RAB31: variants seen among roughly 807,000 people sequenced by gnomAD.
RAB31 encodes the protein RAB31, member RAS oncogene family.
Under a neutral mutation model 25.6 loss-of-function variants are expected in RAB31, and 21 were observed. The ratio of observed to expected loss-of-function variants is 0.82; its 90% CI spans 0.58 to 1.18. RAB31 has a LOEUF of 1.18. RAB31 is among the 50% of genes most tolerant of loss of function. RAB31 has a pLI of 0.00. For synonymous variants in RAB31, 87 were observed against 84.0 expected (o/e 1.04, Z -0.20); for missense variants, 196 against 250.1 (o/e 0.78, Z 1.46).
intron 6 of RAB31, among the ~76,000 whole-genome samples, chr18:9,846,928 C>T (rs2068764932): frequency 6.6e-6 from 1 of 152,200 alleles, no homozygotes; most frequent in Admixed American, 6.5e-5. Context: ...TCACTGGGGT[C>T]TTCACTCTCT....
intron 6 of RAB31, among the ~76,000 whole-genome samples, chr18:9,851,582 G>A (rs1415424245): frequency 6.6e-6 from 1 of 152,142 alleles, no homozygotes; most frequent in East Asian, 1.9e-4. Context: ...GCAGGCTCCG[G>A]GGCACATGCT....
intron 5 of RAB31, among the ~76,000 whole-genome samples, chr18:9,832,641 TCGAGGGCAGTAGGGACCA>T (rs2068684915): frequency 6.6e-6 from 1 of 152,130 alleles, no homozygotes; most frequent in Non-Finnish European, 1.5e-5. Flanking sequence ...GAGCATGTGC[TCGAGGGCAGTAGGGACCA>T]CGTGGAGGAC....
At chr18:9,811,406 C>T (rs946762560) in intron 3 of RAB31, among the ~76,000 whole-genome samples, 5 of 152,158 alleles carry the variant, frequency 3.3e-5, no homozygotes, top group Non-Finnish European at 7.3e-5. Context: ...ACTCAGATTT[C>T]CAAATACCAT....
intron 2 of RAB31, among the ~76,000 whole-genome samples, chr18:9,785,988 T>C (rs1294498542): frequency 6.6e-6 from 1 of 151,946 alleles, no homozygotes; most frequent in African/African-American, 2.4e-5. Context: ...TTGAACCCAG[T>C]TGCAGTGAGC....
chr18:9,844,234 C>A (rs1291031396), intron 5 of RAB31, among the ~76,000 whole-genome samples: 1 of 152,144 alleles, frequency 6.6e-6, no homozygotes, highest in Non-Finnish European at 1.5e-5. Context: ...GGTGTGCCTC[C>A]CTCTCTCAGC....
At chr18:9,810,838 CCACT>C (rs760586761) in intron 3 of RAB31, among the ~76,000 whole-genome samples, 155 of 152,140 alleles carry the variant, frequency 1.0e-3, no homozygotes, top group Non-Finnish European at 1.9e-3. Context: ...TTTACATGAA[CCACT>C]CTTATATGGA....
At chr18:9,847,275 A>G (rs1338379843) in intron 6 of RAB31, among the ~76,000 whole-genome samples, 1 of 152,226 alleles carries the variant, frequency 6.6e-6, no homozygotes. Context: ...AGGTGGTTTT[A>G]ATGAATGAAG....
At chr18:9,830,581 A>G (rs2068673036) in intron 5 of RAB31, 1 of 152,216 alleles carries the variant, frequency 6.6e-6, no homozygotes, top group Admixed American at 6.5e-5. Flanking sequence ...CTCCTGCCTC[A>G]GCCTCCTGAG....
chr18:9,800,837 C>T (rs2068510661), intron 3 of RAB31, among the ~76,000 whole-genome samples: 1 of 152,152 alleles, frequency 6.6e-6, no homozygotes, highest in African/African-American at 2.4e-5. Flanking sequence ...ACGTACCATA[C>T]AATTTATCCA....
intron 2 of RAB31, among the ~76,000 whole-genome samples, chr18:9,783,006 A>T (rs1405208679): frequency 3.3e-5 from 5 of 152,232 alleles, no homozygotes; most frequent in African/African-American, 9.6e-5. Context: ...GTCAACAAAA[A>T]AAAGCAATGA....
chr18:9,813,145 A>T (rs2068583250), intron 3 of RAB31, among the ~76,000 whole-genome samples: 1 of 152,232 alleles, frequency 6.6e-6, no homozygotes, highest in Non-Finnish European at 1.5e-5. Flanking sequence ...TTGCTTTGTT[A>T]ACATTTTGGA....
intron 5 of RAB31, among the ~76,000 whole-genome samples, chr18:9,821,088 C>G (rs2068622619): frequency 1.3e-5 from 2 of 152,024 alleles, no homozygotes. Context: ...TTTAACTAAT[C>G]TCAAAATATT....
intron 1 of RAB31, among the ~76,000 whole-genome samples, chr18:9,711,191 C>T (rs1464212146): frequency 6.6e-6 from 1 of 151,968 alleles, no homozygotes; most frequent in African/African-American, 2.4e-5. Context: ...TCTCTCTCCT[C>T]TTTTTTGTTT....
chr18:9,832,288 A>G (rs1003158106), intron 5 of RAB31, among the ~76,000 whole-genome samples: 4 of 152,198 alleles, frequency 2.6e-5, no homozygotes, highest in Non-Finnish European at 4.4e-5. Context: ...CCTCTGCTCA[A>G]GGGTTCAGAA....
rs372207640 is a variant in RAB31 at position 9,792,478 on chromosome 18, C to T, written c.201+243C>T. 3.9e-5 allele frequency among the ~76,000 whole-genome samples: 6 copies of T among 152,238 alleles called. No individual in the cohort carries two copies. In the South Asian group the frequency reaches 1.2e-3, roughly 32 times the overall value. On this transcript the variant is annotated intron_variant, in intron 3 of 6. Coordinates refer to ENST00000578921, the MANE Select transcript of RAB31 (RefSeq NM_006868.4). ...TGAGAGGAGCCCATCTCTCTTATTTCTGTTTCTTTCCATTTAGTGCAGTTG... is the reference window on the plus strand; with the variant it reads ...TGAGAGGAGCCCATCTCTCTTATTTTTGTTTCTTTCCATTTAGTGCAGTTG...
chr18:9,787,750 C>T (rs1406425570), intron 2 of RAB31: 1 of 152,514 alleles, frequency 6.6e-6, no homozygotes, highest in Admixed American at 6.5e-5. Context: ...AGAGTCCATA[C>T]TAAAGAAAAA....
chr18:9,847,560 A>T (rs2068767824), intron 6 of RAB31, among the ~76,000 whole-genome samples: 1 of 152,206 alleles, frequency 6.6e-6, no homozygotes, highest in Admixed American at 6.5e-5. Flanking sequence ...CTGAGTAGGA[A>T]GTACTGTACT....
At chr18:9,732,448 T>G (rs1289709028) in intron 1 of RAB31, among the ~76,000 whole-genome samples, 1 of 152,234 alleles carries the variant, frequency 6.6e-6, no homozygotes, top group African/African-American at 2.4e-5. Flanking sequence ...GTGACATTAG[T>G]TCATGCTCAG....
chr18:9,843,837 C>G (rs1404655022), intron 5 of RAB31, among the ~76,000 whole-genome samples: 1 of 152,164 alleles, frequency 6.6e-6, no homozygotes, highest in Non-Finnish European at 1.5e-5. Context: ...ATGGTAGACC[C>G]TAGTCAGGCG....
Sources: gnomAD v4.1 joint callset for allele counts (sites outside exome capture counted in the v4.1 genomes callset) on GRCh38, gnomAD v4.1.1 for gene constraint, MANE v1.5 for transcripts, NCBI Gene and HGNC (gene_info 2026-07-23, HGNC 2026-07-21) for gene names.